ZPBP: variants seen among roughly 807,000 people sequenced by gnomAD.
ZPBP encodes zona pellucida-binding protein 1.
Under a neutral mutation model 44.8 loss-of-function variants are expected in ZPBP, and 26 were observed. The observed-to-expected ratio is 0.58, with a 90% CI of 0.43 to 0.81. ZPBP has a LOEUF of 0.81. Among genes scored for constraint, ZPBP ranks in the 30% least tolerant of loss-of-function variants. The pLI, the probability that ZPBP is intolerant of heterozygous loss-of-function variation, is 0.00. For missense variants in ZPBP, 409 were observed against 434.0 expected, an observed-to-expected ratio of 0.94 and a Z score of 0.51; for synonymous variants, 174 against 153.2, an observed-to-expected ratio of 1.14 and a Z score of -1.00.
At chr7:50,087,902 T>C (rs1346547641) in intron 2 of ZPBP, among the ~76,000 whole-genome samples, 3 of 152,010 alleles carry the variant, frequency 2.0e-5, no homozygotes, top group Non-Finnish European at 4.4e-5. Context: ...AAAATCTCAA[T>C]AGACTTTTTT....
At chr7:50,000,595 G>A (rs1798049054) in intron 6 of ZPBP, among the ~76,000 whole-genome samples, 1 of 152,108 alleles carries the variant, frequency 6.6e-6, no homozygotes, top group Non-Finnish European at 1.5e-5. Context: ...TGGACTGAAA[G>A]CAAAACTTCT....
chr7:49,958,501 T>C (rs1330398317), intron 7 of ZPBP, among the ~76,000 whole-genome samples: 1 of 152,176 alleles, frequency 6.6e-6, no homozygotes, highest in African/African-American at 2.4e-5. Context: ...AATTATAGAA[T>C]GGCTTGAGGC....
chr7:49,840,732 T>C, the ZPBP span, among the ~76,000 whole-genome samples: 47 of 152,310 alleles, frequency 3.1e-4, no homozygotes, highest in African/African-American at 1.1e-3. Flanking sequence ...CACTCTTTTA[T>C]TGTTCATTTT....
At chr7:49,992,835 G>C (rs1034506798) in intron 6 of ZPBP, among the ~76,000 whole-genome samples, 1 of 152,002 alleles carries the variant, frequency 6.6e-6, no homozygotes, top group African/African-American at 2.4e-5. Context: ...GAAGAAAAAT[G>C]ACAAGAGAAG....
intron 1 of ZPBP, chr7:49,917,713 A>T (rs1248510788): frequency 1.3e-5 from 2 of 152,210 alleles, no homozygotes; most frequent in East Asian, 3.8e-4. Context: ...TAAGACCAAC[A>T]TATACATTAA....
chr7:50,012,007 G>A (rs1286091831), intron 6 of ZPBP, among the ~76,000 whole-genome samples: 1 of 150,450 alleles, frequency 6.6e-6, no homozygotes, highest in East Asian at 1.9e-4. Flanking sequence ...CTCCAGCCTA[G>A]GCGACAGAGT....
chr7:49,928,027 G>A (rs891921915), intron 1 of ZPBP, among the ~76,000 whole-genome samples: 6 of 152,126 alleles, frequency 3.9e-5, no homozygotes, highest in South Asian at 2.1e-4. Flanking sequence ...CCTGGTCAGC[G>A]TTGCCATATT....
intron 2 of ZPBP, among the ~76,000 whole-genome samples, chr7:49,890,632 CT>C (rs1374655297): frequency 6.6e-6 from 1 of 151,938 alleles, no homozygotes. Flanking sequence ...CCCAAAGCTA[CT>C]TTTAGCCATG....
At chr7:50,073,981 T>C (rs560311895) in intron 3 of ZPBP, among the ~76,000 whole-genome samples, 6 of 152,138 alleles carry the variant, frequency 3.9e-5, no homozygotes, top group African/African-American at 1.2e-4. Context: ...TCGCAGGTAA[T>C]AGTACACAGA....
At chr7:50,057,088 G>A (rs1266381596) in intron 4 of ZPBP, among the ~76,000 whole-genome samples, 1 of 151,826 alleles carries the variant, frequency 6.6e-6, no homozygotes, top group Non-Finnish European at 1.5e-5. Context: ...GGGAAGCTGA[G>A]GCAGGAGAAT....
rs10270085 is a variant in ZPBP at position 49,964,877 on chromosome 7, C to A, written c.961+18465G>T. ...CACTAGGTGACTTCTGAGGCTAGGT[C>A]ATAAAAACATCATGGATTTCTATTG... On this transcript the variant is annotated intron_variant, in intron 7 of 7. Coordinates refer to ENST00000046087, the MANE Select transcript of ZPBP (RefSeq NM_007009.3). Among the ~76,000 whole-genome samples the A allele has an allele frequency of 4.5e-3, 686 of 152,148 alleles. 4 individuals carry two copies. Among genetic ancestry groups the A allele is most frequent in the African/African-American group, 0.016 (649 of 41,546 alleles).
At chr7:50,050,020 A>G (rs1314092267) in intron 4 of ZPBP, among the ~76,000 whole-genome samples, 2 of 151,814 alleles carry the variant, frequency 1.3e-5, no homozygotes, top group African/African-American at 4.8e-5. Context: ...AAAATATAAT[A>G]TTTATAATTA....
At chr7:49,897,324 C>T (rs895905237) in intron 2 of ZPBP, among the ~76,000 whole-genome samples, 1 of 152,102 alleles carries the variant, frequency 6.6e-6, no homozygotes, top group Non-Finnish European at 1.5e-5. Context: ...TATCCTGATA[C>T]CAAAACCAAA....
chr7:49,965,555 T>C (rs1796025388), intron 7 of ZPBP, among the ~76,000 whole-genome samples: 1 of 151,938 alleles, frequency 6.6e-6, no homozygotes, highest in African/African-American at 2.4e-5. Flanking sequence ...CAAATGGAAA[T>C]GGGTATACAC....
Position 49,994,272 on chromosome 7 carries a change from A to G in ZPBP, c.784-10753T>C, listed in dbSNP as rs1250926647. 7.2e-5 allele frequency among the ~76,000 whole-genome samples: 11 copies of G among 152,298 alleles called. No individual in the cohort carries two copies. The East Asian group carries it at 2.1e-3, about 29-fold the overall frequency. On this transcript the variant is annotated intron_variant, in intron 6 of 7. Coordinates refer to ENST00000046087, the MANE Select transcript of ZPBP (RefSeq NM_007009.3). The stretch of plus-strand genomic sequence containing the variant: ...GCTGCCCACTTTTGGGTGGTCCTGC[A>G]TATTGTTGAGAACCATCTGTAAACC...
At chr7:50,089,078 C>A (rs752739779) in intron 2 of ZPBP, among the ~76,000 whole-genome samples, 2 of 152,026 alleles carry the variant, frequency 1.3e-5, no homozygotes, top group Non-Finnish European at 2.9e-5. Flanking sequence ...GTTTTCAGGG[C>A]TGAAGAATGA....
chr7:50,028,675 A>G (rs936161569), intron 5 of ZPBP, among the ~76,000 whole-genome samples: 13 of 151,952 alleles, frequency 8.6e-5, no homozygotes, highest in Admixed American at 3.9e-4. Flanking sequence ...AAAAAAACCC[A>G]GTGTATTTCT....
intron 1 of ZPBP, among the ~76,000 whole-genome samples, chr7:49,926,727 T>C (rs1358655142): frequency 6.6e-6 from 1 of 152,138 alleles, no homozygotes; most frequent in African/African-American, 2.4e-5. Flanking sequence ...ATGTAAGAGA[T>C]GTATTATAGT....
At chr7:50,089,861 C>A in intron 1 of ZPBP, 152 bp from the exon 2 acceptor site, 2 of 654,210 alleles carry the variant, frequency 3.1e-6, no homozygotes, top group South Asian at 1.9e-5. Context: ...TATTCCCCCT[C>A]AGATGATCTG....
Sources: gnomAD v4.1 joint callset for allele counts (sites outside exome capture counted in the v4.1 genomes callset) on GRCh38, gnomAD v4.1.1 for gene constraint, MANE v1.5 for transcripts, NCBI Gene and HGNC (gene_info 2026-07-23, HGNC 2026-07-21) for gene names.